Variants in HELZ observed in about 807,000 individuals in gnomAD.
The protein encoded by HELZ is ATP-dependent RNA helicase with zinc finger domain.
In HELZ, 23 loss-of-function variants were observed where a neutral mutation model predicts 218.2. That is an observed-to-expected ratio of 0.11 (90% confidence interval 0.08 to 0.15). The LOEUF (loss-of-function observed/expected upper bound fraction) is 0.15. Among genes scored for constraint, HELZ ranks in the 10% least tolerant of loss-of-function variants. The pLI is 1.00. For synonymous variants in HELZ, 814 were observed against 829.4 expected, an observed-to-expected ratio of 0.98 and a Z score of 0.32; for missense variants, 1,813 against 2,353.7, an observed-to-expected ratio of 0.77 and a Z score of 4.75.
chr17:67,223,849 T>A (rs1325295837), intron 3 of HELZ, among the ~76,000 whole-genome samples: 1 of 152,226 alleles, frequency 6.6e-6, no homozygotes, highest in Non-Finnish European at 1.5e-5. Flanking sequence ...TTGGAGGATG[T>A]GACTTCACAA....
At chr17:67,087,853 G>A (rs2036441404) in intron 31 of HELZ, among the ~76,000 whole-genome samples, 1 of 152,182 alleles carries the variant, frequency 6.6e-6, no homozygotes, top group Admixed American at 6.5e-5. Flanking sequence ...CCCAAGTGCT[G>A]TTCAATTTGT....
chr17:67,124,461 C>G (rs770291347), intron 24 of HELZ, among the ~76,000 whole-genome samples: 6 of 151,832 alleles, frequency 4.0e-5, no homozygotes, highest in African/African-American at 7.3e-5. Flanking sequence ...GCAAATATGG[C>G]TTAGGATTTA....
intron 3 of HELZ, among the ~76,000 whole-genome samples, chr17:67,234,950 G>A (rs949992172): frequency 7.9e-5 from 12 of 152,068 alleles, no homozygotes; most frequent in African/African-American, 1.9e-4. Flanking sequence ...AGGCAGTATC[G>A]CTCCCTCCAC....
chr17:67,086,894 G>C lies in HELZ; in HGVS notation c.5429C>G (p.Ser1810Cys). Residue 1810 changes from serine to cysteine, a missense_variant, in exon 32 of 33, where the codon TCT becomes TGT. Physicochemically the swap from Ser to Cys is moderately radical, Grantham distance 112 (BLOSUM62 -1). Transcript: ENST00000358691. Reference sequence around the variant, plus strand: ...GCACGGAATGTTCTGATAAGGAGTAGATGAGGTGGTGTTTACCCAGGACTC... The same window carrying C: ...GCACGGAATGTTCTGATAAGGAGTACATGAGGTGGTGTTTACCCAGGACTC... ...SPESWVNTTS[S>C]TPYQNIPCNG... The C allele has an allele frequency of 6.2e-7, 1 of 1,613,622 alleles. No homozygotes were observed. The highest frequency in any genetic ancestry group is 2.2e-5 in the East Asian group (1 of 44,838).
intron 31 of HELZ, among the ~76,000 whole-genome samples, chr17:67,093,994 T>C (rs1466906783): frequency 1.3e-5 from 2 of 152,096 alleles, no homozygotes; most frequent in African/African-American, 4.8e-5. Flanking sequence ...TCCCGCAACA[T>C]GTAATTTACC....
At chr17:67,204,575 TATAAG>T (rs1412239564) in intron 5 of HELZ, among the ~76,000 whole-genome samples, 4 of 152,168 alleles carry the variant, frequency 2.6e-5, no homozygotes, top group Non-Finnish European at 5.9e-5. Context: ...ACCCTTCCCT[TATAAG>T]ATAATAATTC....
At chr17:67,178,979 A>T in intron 12 of HELZ, 53 bp from the exon 13 acceptor site, 2 of 1,178,318 alleles carry the variant, frequency 1.7e-6, no homozygotes, top group Middle Eastern at 5.1e-4. Context: ...TAAAATTTTT[A>T]AATAACATTA....
Position 67,114,361 on chromosome 17 carries a change from A to G in HELZ, c.3881T>C (p.Ile1294Thr), listed in dbSNP as rs2037368024. The change falls in exon 28 of 33, where the codon ATT becomes ACT. Residue 1294 changes from isoleucine to threonine, a missense_variant. Physicochemically the swap from Ile to Thr is moderately conservative, Grantham distance 89. Coordinates refer to ENST00000358691, the MANE Select transcript of HELZ (RefSeq NM_014877.4). The stretch of plus-strand genomic sequence containing the variant: ...TGTTGGCTTTTTCTCTGGTGTTCGA[A>G]TCTTATTAATTTCAGGTCCGGAATT... ...TNNSGPEINK[I>T]RTPEKKPTEP... 6.2e-7 allele frequency: 1 copy of G among 1,611,642 alleles called. No individual in the cohort carries two copies. The highest frequency in any genetic ancestry group is 1.1e-5 in the South Asian group (1 of 91,034).
rs1279849170 is a variant in HELZ at position 67,108,824 on chromosome 17, A to G, written c.4490-98T>C. On this transcript the variant is annotated intron_variant, in intron 29 of 32. Coordinates refer to ENST00000358691, the MANE Select transcript of HELZ (RefSeq NM_014877.4). The surrounding 1 kb of genome is among the most constrained non-coding windows in gnomAD (Gnocchi z 4.1). ...CATATTTTCTCCACAAAGACAAAGG[A>G]CGTAGCTACAAATTTGGTTTTGGTA... 1 of 965,432 alleles carries G rather than the reference A, an allele frequency of 1.0e-6. No individual in the cohort carries two copies. The highest frequency in any genetic ancestry group is 1.7e-5 in the African/African-American group (1 of 60,546). The allele number at this position is 965,432 out of a possible 1,614,324, so 59.8% of individuals were successfully genotyped here. A position where few individuals can be genotyped will look rare whatever the true frequency, so the allele number is the denominator to read the frequency against.
intron 24 of HELZ, chr17:67,128,430 A>G (rs2037870688): frequency 1.8e-6 from 1 of 558,322 alleles, no homozygotes; most frequent in Non-Finnish European, 3.2e-6. Flanking sequence ...TATCAGTATT[A>G]AAAATTGTTT....
At chr17:67,113,109 CT>C (rs1473890325) in intron 28 of HELZ, among the ~76,000 whole-genome samples, 1 of 152,026 alleles carries the variant, frequency 6.6e-6, no homozygotes, top group African/African-American at 2.4e-5. Context: ...AAGAAATTAT[CT>C]TTTTAAAAAA....
intron 21 of HELZ, 111 bp from the exon 22 acceptor site, chr17:67,138,225 TAAAA>T: frequency 9.2e-6 from 5 of 541,502 alleles, no homozygotes; most frequent in Non-Finnish European, 1.4e-5. Context: ...AGATGTCATT[TAAAA>T]AAAAAAAAAA....
intron 21 of HELZ, among the ~76,000 whole-genome samples, chr17:67,138,817 G>A (rs923281932): frequency 2.0e-5 from 3 of 152,168 alleles, no homozygotes; most frequent in African/African-American, 7.2e-5. Context: ...GGGTTTTTAG[G>A]ATAGTTTGTT....
At chr17:67,104,270 T>TA (rs1045060655) in intron 31 of HELZ, among the ~76,000 whole-genome samples, 6 of 151,306 alleles carry the variant, frequency 4.0e-5, no homozygotes, top group East Asian at 1.9e-4. Flanking sequence ...CCGTATCTAC[T>TA]AAAAAAAATA....
intron 7 of HELZ, among the ~76,000 whole-genome samples, chr17:67,198,034 T>G (rs1054785307): frequency 2.0e-5 from 3 of 152,216 alleles, no homozygotes; most frequent in Admixed American, 6.5e-5. Context: ...TATGTGCCAC[T>G]GTCACAAACT....
chr17:67,164,632 G>C lies in HELZ; in HGVS notation c.1895+1846C>G, dbSNP rs181273680. Among the ~76,000 whole-genome samples the C allele has an allele frequency of 2.4e-3, 362 of 150,468 alleles. 1 individual carries two copies. The highest frequency in any genetic ancestry group is 5.3e-3 in the Admixed American group (81 of 15,272). On this transcript the variant is annotated intron_variant, in intron 15 of 32. Coordinates refer to ENST00000358691, the MANE Select transcript of HELZ (RefSeq NM_014877.4). ...ACCACAATTAAAAACTTTTTAAAAA[G>C]AATAACATAAAGATAAGGAGGCAAA...
chr17:67,166,536 T>C lies in HELZ; in HGVS notation c.1837A>G (p.Asn613Asp), dbSNP rs1254741880. 1.9e-6 allele frequency: 3 copies of C among 1,613,148 alleles called. No individual in the cohort carries two copies. Among genetic ancestry groups the C allele is most frequent in the Non-Finnish European group, 2.5e-6 (3 of 1,179,178 alleles). The change falls in exon 15 of 33, where the codon AAT becomes GAT. Residue 613 changes from asparagine (N) to aspartate (D), a missense_variant. This residue lies in a region of HELZ where 714 missense variants were observed against 1,029.2 expected (regional missense o/e 0.69). Transcript: ENST00000358691. ...MHYALDRIKD[N>D]GVLFPDISMT... ...CTGATGTCTGGAAACAAAACCCCAT[T>C]GTCCTTGATCCTGTCTAGTGCATAG... is the stretch of plus-strand genomic sequence containing the variant.
chr17:67,073,320 T>TA lies in HELZ; in HGVS notation c.*4931dup, dbSNP rs780011789. On this transcript the variant is annotated 3_prime_UTR_variant, in exon 33 of 33. Coordinates refer to ENST00000358691, the MANE Select transcript of HELZ (RefSeq NM_014877.4). ...ACCTCATATATGAGGTAGAAACAGT[T>TA]AAAAAGACTCCCCACGAACATAATG... The TA allele has an allele frequency of 1.0e-4, 16 of 152,722 alleles. No individual in the cohort carries two copies. The highest frequency in any genetic ancestry group is 1.8e-4 in the Non-Finnish European group (12 of 68,018). 9.5% of individuals were successfully genotyped at this position (152,722 alleles called of 1,614,324 possible). A position where few individuals can be genotyped will look rare whatever the true frequency, so the allele number is the denominator to read the frequency against.
chr17:67,092,801 C>A (rs2036610843), intron 31 of HELZ, among the ~76,000 whole-genome samples: 1 of 151,702 alleles, frequency 6.6e-6, no homozygotes, highest in South Asian at 2.1e-4. Context: ...CCCATCTCTA[C>A]TAAAAATATA....
Sources: allele counts gnomAD v4.1 joint callset (sites outside exome capture counted in the v4.1 genomes callset), GRCh38; gene constraint gnomAD v4.1.1; regional missense constraint gnomAD v4.1.1; non-coding constraint Gnocchi (gnomAD v3.1); transcripts MANE v1.5; gene names NCBI Gene and HGNC (gene_info 2026-07-23, HGNC 2026-07-21).